Variants in CCDC7 observed in about 807,000 individuals in gnomAD.
CCDC7 encodes coiled-coil domain-containing protein 7.
A neutral mutation model predicts 196.9 loss-of-function variants in CCDC7; 183 were observed. That is an observed-to-expected ratio of 0.93 (90% CI 0.82 to 1.05). CCDC7 has a LOEUF of 1.05. Among genes scored for constraint, CCDC7 ranks in the 50% least tolerant of loss-of-function variants. CCDC7 has a pLI of 0.00. For missense variants in CCDC7, 1,540 were observed against 1,482.2 expected, an observed-to-expected ratio of 1.04 and a Z score of -0.64; for synonymous variants, 525 against 484.6, an observed-to-expected ratio of 1.08 and a Z score of -1.10.
At chr10:32,806,391 C>T (rs1482816957) in intron 30 of CCDC7, among the ~76,000 whole-genome samples, 2 of 152,072 alleles carry the variant, frequency 1.3e-5, no homozygotes, top group Non-Finnish European at 2.9e-5. Context: ...AAAAAAACAG[C>T]TTATGAGAAT....
At chr10:32,620,853 G>A (rs1464479197) in intron 18 of CCDC7, among the ~76,000 whole-genome samples, 2 of 152,110 alleles carry the variant, frequency 1.3e-5, no homozygotes, top group Non-Finnish European at 2.9e-5. Flanking sequence ...ACTTAAGGAG[G>A]ATACTGTATT....
chr10:32,697,770 G>A (rs7358145), intron 24 of CCDC7, among the ~76,000 whole-genome samples: 15,960 of 152,246 alleles, frequency 0.1, 1,038 homozygotes, highest in South Asian at 0.25. Flanking sequence ...AAAAGGCAGC[G>A]GAAACTTCTG....
chr10:32,670,245 T>C (rs2073787692), intron 21 of CCDC7, among the ~76,000 whole-genome samples: 1 of 152,124 alleles, frequency 6.6e-6, no homozygotes. Flanking sequence ...TGTGTCTTAA[T>C]GAATACAATC....
rs2056205909 is a variant in CCDC7, at chr10:32,563,640, A to G, written c.1135-1918A>G. Reference sequence around the variant, plus strand: ...GGATCCCTTCCTTACACCTTATACAAAAATTAATTCAAGATGGATTAAAGA... The same window carrying G: ...GGATCCCTTCCTTACACCTTATACAGAAATTAATTCAAGATGGATTAAAGA... On this transcript the variant is annotated intron_variant, in intron 13 of 41. Coordinates refer to ENST00000639629, the Ensembl canonical transcript of CCDC7. 2.6e-5 allele frequency among the ~76,000 whole-genome samples: 4 copies of G among 152,324 alleles called. No homozygotes were observed. The South Asian group carries it at 8.3e-4, about 32-fold the overall frequency.
chr10:32,850,820 G>C lies in CCDC7; in HGVS notation c.3896-987G>C, dbSNP rs11815331. Among the ~76,000 whole-genome samples the C allele has an allele frequency of 5.7e-4, 66 of 116,140 alleles. No individual in the cohort carries two copies. The South Asian group carries it at 7.2e-3, about 13-fold the overall frequency. 76.2% of individuals were successfully genotyped at this position (116,140 alleles called of 152,430 possible). ...ACACACACACACACACACACACACA[G>C]AGACATGCAATGTAACAGTGGTGAG... is the stretch of plus-strand genomic sequence containing the variant. On this transcript the variant is annotated intron_variant, in intron 39 of 41. Transcript: ENST00000639629.
intron 26 of CCDC7, among the ~76,000 whole-genome samples, chr10:32,728,492 C>T (rs1387186588): frequency 6.6e-6 from 1 of 152,108 alleles, no homozygotes; most frequent in Non-Finnish European, 1.5e-5. Context: ...TGACCAATCT[C>T]CTGTGTGTGA....
At chr10:32,736,380 TA>T (rs1479107077) in intron 28 of CCDC7, among the ~76,000 whole-genome samples, 6 of 152,184 alleles carry the variant, frequency 3.9e-5, no homozygotes, top group African/African-American at 1.2e-4. Flanking sequence ...TTGTGGTTAA[TA>T]TTTTTTTAAT....
intron 20 of CCDC7, among the ~76,000 whole-genome samples, chr10:32,640,394 A>G (rs1353910077): frequency 6.6e-6 from 1 of 152,064 alleles, no homozygotes; most frequent in Non-Finnish European, 1.5e-5. Flanking sequence ...TTTTGAGCCT[A>G]TGTGTGTCTC....
At chr10:32,547,491 C>T (rs1339113435) in intron 13 of CCDC7, among the ~76,000 whole-genome samples, 1 of 152,148 alleles carries the variant, frequency 6.6e-6, no homozygotes, top group Admixed American at 6.5e-5. Flanking sequence ...CCACAGATCC[C>T]ACCCACACTC....
chr10:32,819,376 T>C (rs2089644173), intron 31 of CCDC7, among the ~76,000 whole-genome samples: 1 of 152,210 alleles, frequency 6.6e-6, no homozygotes, highest in South Asian at 2.1e-4. Flanking sequence ...AGCTGAATTC[T>C]CCCAGAGGTA....
chr10:32,865,312 A>G (rs770797050), intron 41 of CCDC7, among the ~76,000 whole-genome samples: 18 of 151,790 alleles, frequency 1.2e-4, no homozygotes, highest in Non-Finnish European at 2.1e-4. Flanking sequence ...TATACAAAGG[A>G]CACACAAATG....
At chr10:32,469,536 A>G (rs1170632651) in intron 5 of CCDC7, among the ~76,000 whole-genome samples, 1 of 152,190 alleles carries the variant, frequency 6.6e-6, no homozygotes, top group Non-Finnish European at 1.5e-5. Context: ...GCCCTCTGTG[A>G]TGCTAGGAAA....
At chr10:32,789,135 C>A (rs1017320358) in intron 29 of CCDC7, among the ~76,000 whole-genome samples, 11 of 131,148 alleles carry the variant, frequency 8.4e-5, no homozygotes, top group Non-Finnish European at 1.2e-4. Flanking sequence ...TTTGTAAAGA[C>A]TGGAATAAGT....
intron 25 of CCDC7, among the ~76,000 whole-genome samples, chr10:32,719,291 A>G (rs1478671433): frequency 1.3e-5 from 2 of 152,226 alleles, no homozygotes; most frequent in Non-Finnish European, 2.9e-5. Context: ...TCCCTATTTA[A>G]TAAATGGTGT....
chr10:32,579,036 A>G (rs1446549125), intron 16 of CCDC7, among the ~76,000 whole-genome samples: 1 of 152,192 alleles, frequency 6.6e-6, no homozygotes, highest in Non-Finnish European at 1.5e-5. Context: ...CAGGAATTAA[A>G]ACATTCTCAA....
chr10:32,714,710 G>T (rs181923352), intron 25 of CCDC7, among the ~76,000 whole-genome samples: 1 of 152,180 alleles, frequency 6.6e-6, no homozygotes, highest in Non-Finnish European at 1.5e-5. Flanking sequence ...GCTTGGTGGG[G>T]GGAGGGGTGT....
At chr10:32,747,342 C>T (rs1226196602) in intron 28 of CCDC7, among the ~76,000 whole-genome samples, 1 of 152,142 alleles carries the variant, frequency 6.6e-6, no homozygotes, top group Admixed American at 6.5e-5. Flanking sequence ...AAAAGCATTG[C>T]AACAGAAACA....
chr10:32,477,529 TAAA>T (rs2039221616), intron 8 of CCDC7, among the ~76,000 whole-genome samples: 4 of 151,858 alleles, frequency 2.6e-5, no homozygotes, highest in Admixed American at 2.0e-4. Flanking sequence ...GTGAGAACTG[TAAA>T]GTCTATGTCT....
chr10:32,798,756 C>G (rs1213222908), intron 29 of CCDC7, among the ~76,000 whole-genome samples: 8 of 152,216 alleles, frequency 5.3e-5, no homozygotes, highest in Non-Finnish European at 1.5e-5. Flanking sequence ...GTTCTGCCCA[C>G]TGGGAAAATT....
Sources: gnomAD v4.1 joint callset for allele counts (sites outside exome capture counted in the v4.1 genomes callset) on GRCh38, gnomAD v4.1.1 for gene constraint, MANE v1.5 for transcripts, NCBI Gene and HGNC (gene_info 2026-07-23, HGNC 2026-07-21) for gene names.